The following UBE3C variants were observed in gnomAD, a reference collection of about 807,000 sequenced individuals.
UBE3C encodes the protein ubiquitin-protein ligase E3C.
In UBE3C, 42 loss-of-function variants were observed where a neutral mutation model predicts 129.4. The ratio of observed to expected loss-of-function variants is 0.32; its 90% CI spans 0.25 to 0.42. The LOEUF (loss-of-function observed/expected upper bound fraction) is 0.42, where lower values mean the gene tolerates loss of function less well. Among genes scored for constraint, UBE3C ranks in the 10% least tolerant of loss-of-function variants. The pLI is 1.00. For synonymous variants in UBE3C, 510 were observed against 492.4 expected (o/e 1.04, Z -0.47); for missense variants, 1,049 against 1,319.1 (o/e 0.80, Z 3.17).
chr7:157,156,771 T>C (rs916036968), intron 1 of UBE3C, among the ~76,000 whole-genome samples: 8 of 151,920 alleles, frequency 5.3e-5, no homozygotes, highest in Non-Finnish European at 7.4e-5. Flanking sequence ...GTACTTCTCC[T>C]GTCCCCCTTA....
Position 157,231,300 on chromosome 7 carries a change from C to G in UBE3C, c.2454C>G (p.Tyr818Ter). 6.2e-7 allele frequency: 1 copy of G among 1,614,092 alleles called. No homozygotes were observed. The highest frequency in any genetic ancestry group is 8.5e-7 in the Non-Finnish European group (1 of 1,180,000). The change falls in exon 18 of 23, where the codon TAC becomes TAG. Residue 818 changes from tyrosine to a stop codon, truncating the protein, a stop_gained. Coordinates refer to ENST00000348165, the MANE Select transcript of UBE3C (RefSeq NM_014671.3). LOFTEE classifies it high-confidence loss of function. ...MLVGDSFARH[Y>*]YFLGRMLGKA... is the part of the protein sequence containing the mutation. Reference sequence around the variant, plus strand: ...TGGGAGATTCTTTTGCCAGACATTACTACTTCCTAGGCAGAATGCTTGGAA... The same window carrying G: ...TGGGAGATTCTTTTGCCAGACATTAGTACTTCCTAGGCAGAATGCTTGGAA...
chr7:157,225,174 T>C (rs1285616160), intron 16 of UBE3C, among the ~76,000 whole-genome samples: 1 of 152,156 alleles, frequency 6.6e-6, no homozygotes, highest in African/African-American at 2.4e-5. Context: ...GGCCGGATTT[T>C]TAAAATTTAT....
chr7:157,258,093 A>G (rs1027595946), intron 22 of UBE3C, among the ~76,000 whole-genome samples: 1 of 151,840 alleles, frequency 6.6e-6, no homozygotes, highest in South Asian at 2.1e-4. Flanking sequence ...GACTACAGGC[A>G]TGTACCACCA....
At chr7:157,213,433 GTGAT>G (rs1809653226) in intron 13 of UBE3C, among the ~76,000 whole-genome samples, 1 of 152,236 alleles carries the variant, frequency 6.6e-6, no homozygotes. Flanking sequence ...AGTGCTCCAG[GTGAT>G]TCTAAAATGC....
chr7:157,217,267 G>T, intron 14 of UBE3C: 2 of 233,962 alleles, frequency 8.5e-6, no homozygotes, highest in Admixed American at 5.6e-5. Flanking sequence ...GCTTTTATTA[G>T]TATTAATATA....
At chr7:157,166,912 T>TTGG (rs745770395) in intron 2 of UBE3C, among the ~76,000 whole-genome samples, 1,283 of 126,644 alleles carry the variant, frequency 0.01, 9 homozygotes, top group Middle Eastern at 0.027. Flanking sequence ...CTTTTTCCTG[T>TTGG]TGGTGGTGGT....
chr7:157,217,982 C>T (rs1795628815), intron 14 of UBE3C, among the ~76,000 whole-genome samples: 1 of 152,142 alleles, frequency 6.6e-6, no homozygotes, highest in African/African-American at 2.4e-5. Context: ...AAGATCGTGC[C>T]ACTGCACTGC....
At chr7:157,224,233 C>T (rs988062079) in intron 16 of UBE3C, among the ~76,000 whole-genome samples, 6 of 152,074 alleles carry the variant, frequency 3.9e-5, no homozygotes, top group African/African-American at 1.4e-4. Context: ...TGTCCTCTGT[C>T]GCCCAGGCTG....
chr7:157,249,856 C>G (rs1796578159), intron 19 of UBE3C, among the ~76,000 whole-genome samples: 1 of 152,068 alleles, frequency 6.6e-6, no homozygotes, highest in African/African-American at 2.4e-5. Context: ...CAAATACACT[C>G]TGTGCATCCA....
At chr7:157,222,265 A>G (rs1027663764) in intron 15 of UBE3C, 1 of 152,128 alleles carries the variant, frequency 6.6e-6, no homozygotes, top group Non-Finnish European at 1.5e-5. Context: ...TTTTGTCCCA[A>G]TCTGTGGCTT....
rs369791733 is a variant in UBE3C at position 157,163,530 on chromosome 7, C to A, written c.67-280C>A. ...ATTGGTACGGAGCACCAGTCTTACT[C>A]AACATTTCCCCAGTTTTACCTGTAC... On this transcript the variant is annotated intron_variant, in intron 1 of 22. Coordinates refer to ENST00000348165, the MANE Select transcript of UBE3C (RefSeq NM_014671.3). Among the ~76,000 whole-genome samples the A allele has an allele frequency of 9.8e-4, 149 of 152,262 alleles. 2 individuals carry two copies. The highest frequency in any genetic ancestry group is 3.4e-3 in the African/African-American group (142 of 41,540).
intron 1 of UBE3C, among the ~76,000 whole-genome samples, chr7:157,153,995 T>TG (rs59577520): frequency 0.18 from 27,012 of 147,594 alleles, 2,636 homozygotes; most frequent in East Asian, 0.35. Context: ...AGGCCCTGTC[T>TG]GGGGGGGGAA....
In UBE3C at chr7:157,171,715, T is replaced by A. The variant is rs1413923607; in HGVS notation, c.342+1265T>A. The stretch of plus-strand genomic sequence containing the variant: ...TTTTTTTTTTTTTTTTTTTTTTTTT[T>A]TTTTTTTTTGAGACAGAGTCTTGCT... On this transcript the variant is annotated intron_variant, in intron 4 of 22. Transcript: ENST00000348165. Among the ~76,000 whole-genome samples the A allele has an allele frequency of 9.5e-4, 81 of 85,514 alleles. 1 individual carries two copies. Among genetic ancestry groups the A allele is most frequent in the Middle Eastern group, 5.3e-3 (1 of 190 alleles). The allele number at this position is 85,514 out of a possible 152,430, so 56.1% of individuals were successfully genotyped here.
intron 10 of UBE3C, 73 bp downstream of exon 10, chr7:157,187,094 CCTCTT>C: frequency 1.4e-6 from 2 of 1,473,832 alleles, no homozygotes; most frequent in South Asian, 1.3e-5. Context: ...GAATTGCTCT[CCTCTT>C]AAGTTTTGTC....
At chr7:157,183,440 G>A (rs1323930789) in intron 8 of UBE3C, among the ~76,000 whole-genome samples, 1 of 152,182 alleles carries the variant, frequency 6.6e-6, no homozygotes. Flanking sequence ...GCACCTCCCT[G>A]TGTTGAGCTC....
At chr7:157,254,164 T>G (rs1271782983) in intron 20 of UBE3C, 22 bp downstream of exon 20, 1 of 1,610,532 alleles carries the variant, frequency 6.2e-7, no homozygotes, top group East Asian at 2.2e-5. Flanking sequence ...GCTGACTTTC[T>G]GGGACACGCT....
chr7:157,268,188 T>A lies in UBE3C; in HGVS notation c.*433T>A, dbSNP rs1797130371. ...GAGGGCTGAGACGCCATGGGGCCGC[T>A]GCTGCTTATGTGGTTGGATTGTTTA... On this transcript the variant is annotated 3_prime_UTR_variant, in exon 23 of 23. Coordinates refer to ENST00000348165, the MANE Select transcript of UBE3C (RefSeq NM_014671.3). The A allele has an allele frequency of 6.5e-6, 1 of 154,572 alleles. No homozygotes were observed. The highest frequency in any genetic ancestry group is 1.4e-5 in the Non-Finnish European group (1 of 69,452). The allele number at this position is 154,572 out of a possible 1,614,324, so 9.6% of individuals were successfully genotyped here. A position where few individuals can be genotyped will look rare whatever the true frequency, so the allele number is the denominator to read the frequency against.
At chr7:157,197,509 GTTTTT>G in intron 10 of UBE3C, 1 of 643,356 alleles carries the variant, frequency 1.6e-6, no homozygotes, top group Non-Finnish European at 2.3e-6. Context: ...AAAATAATTT[GTTTTT>G]TTTTTTTTTT....
intron 1 of UBE3C, among the ~76,000 whole-genome samples, chr7:157,147,520 CTT>C (rs1045779044): frequency 1.3e-5 from 2 of 151,326 alleles, no homozygotes; most frequent in African/African-American, 4.9e-5. Context: ...CCTTTTTTTT[CTT>C]TTTTCTTTTC....
Sources: allele counts gnomAD v4.1 joint callset (sites outside exome capture counted in the v4.1 genomes callset), GRCh38; gene constraint gnomAD v4.1.1; transcripts MANE v1.5; gene names NCBI Gene and HGNC (gene_info 2026-07-23, HGNC 2026-07-21).